ECHS1: variants seen among roughly 807,000 people sequenced by gnomAD.
ECHS1 encodes the protein enoyl-CoA hydratase, short chain 1.
A neutral mutation model predicts 33.5 loss-of-function variants in ECHS1; 19 were observed. That is an observed-to-expected ratio of 0.57 (90% CI 0.40 to 0.83). The LOEUF (loss-of-function observed/expected upper bound fraction) is 0.83, where lower values mean the gene tolerates loss of function less well. Among genes scored for constraint, ECHS1 ranks in the 40% least tolerant of loss-of-function variants. ECHS1 has a pLI of 0.00. For synonymous variants in ECHS1, 158 were observed against 146.6 expected (o/e 1.08, Z -0.56); for missense variants, 365 against 381.3 (o/e 0.96, Z 0.36).
In ECHS1 at chr10:133,367,009, G is replaced by A. The variant is rs759464804; in HGVS notation, c.515-16C>T. On this transcript the variant is annotated splice_polypyrimidine_tract_variant and intron_variant, in intron 4 of 7. Transcript: ENST00000368547. ...CCGCCCGCACCTGCAGGGAGGGGCT[G>A]GTCATGGCTGGCACTGTGATGAGTG... 3.1e-6 allele frequency: 5 copies of A among 1,596,182 alleles called. No individual in the cohort carries two copies. Among genetic ancestry groups the A allele is most frequent in the Non-Finnish European group, 4.3e-6 (5 of 1,170,104 alleles).
chr10:133,363,818 G>A (rs2133438119), intron 7 of ECHS1, among the ~76,000 whole-genome samples: 1 of 152,290 alleles, frequency 6.6e-6, no homozygotes, highest in East Asian at 1.9e-4. Flanking sequence ...ATGGTAATTA[G>A]AGGAATTACT....
chr10:133,364,594 A>C, intron 7 of ECHS1, 64 bp downstream of exon 7: 1 of 1,311,562 alleles, frequency 7.6e-7, no homozygotes, highest in East Asian at 2.3e-5. Flanking sequence ...ATTTAAAAGG[A>C]AATTCCCAGC....
At chr10:133,373,205 CAGG>C (rs1849140140) in intron 1 of ECHS1, 38 bp downstream of exon 1, 7 of 1,393,454 alleles carry the variant, frequency 5.0e-6, no homozygotes, top group African/African-American at 1.5e-5. Context: ...AGGTCGGAGT[CAGG>C]AGGAGATTCG....
At chr10:133,363,255 G>C (rs1848986995) in intron 7 of ECHS1, among the ~76,000 whole-genome samples, 1 of 152,242 alleles carries the variant, frequency 6.6e-6, no homozygotes, top group South Asian at 2.1e-4. Context: ...TGGGTGGCCT[G>C]TATCAGGGGC....
At chr10:133,370,481 T>A (rs984691027) in intron 2 of ECHS1, 79 bp downstream of exon 2, 1 of 1,388,644 alleles carries the variant, frequency 7.2e-7, no homozygotes, top group Non-Finnish European at 9.5e-7. Context: ...GAGGCGCAAA[T>A]CTGTCTGGAG....
Position 133,368,850 on chromosome 10 carries a change from T to C in ECHS1, c.514+73A>G, listed in dbSNP as rs539549648. ...AGGGCCTCTGGTCAGATATGAGCTG[T>C]GGGCCCTGAGACACAGGCAGATTTT... On this transcript the variant is annotated intron_variant, in intron 4 of 7. Transcript: ENST00000368547. 85 of 1,399,312 alleles carry C rather than the reference T, an allele frequency of 6.1e-5. No homozygotes were observed. In the Admixed American group the frequency reaches 7.6e-4, roughly 13 times the overall value. The allele number at this position is 1,399,312 out of a possible 1,614,324, so 86.7% of individuals were successfully genotyped here.
At chr10:133,369,277 T>C (rs1355380916) in intron 3 of ECHS1, among the ~76,000 whole-genome samples, 1 of 152,180 alleles carries the variant, frequency 6.6e-6, no homozygotes, top group Non-Finnish European at 1.5e-5. Flanking sequence ...TCAACTCTGC[T>C]GCTGTGGCCG....
Position 133,366,038 on chromosome 10 carries a change from G to A in ECHS1, c.677C>T (p.Ala226Val), listed in dbSNP as rs1456511523. The stretch of plus-strand genomic sequence containing the variant: ...TTTAGAATTGCTGGCAATTTTTTCT[G>A]CACACTGGATGGCTTCTTCCACCAG... The part of the protein sequence containing the change: ...ETLVEEAIQC[A>V]EKIASNSKIV... Residue 226 changes from alanine to valine, a missense_variant, in exon 6 of 8, where the codon GCA (alanine) becomes GTA (valine). Transcript: ENST00000368547. 3.7e-6 allele frequency: 6 copies of A among 1,613,892 alleles called. No individual in the cohort carries two copies. Among genetic ancestry groups the A allele is most frequent in the Non-Finnish European group, 5.1e-6 (6 of 1,180,000 alleles).
chr10:133,373,046 G>C (rs1405902904), intron 1 of ECHS1, among the ~76,000 whole-genome samples, 200 bp downstream of exon 1: 1 of 82,370 alleles, frequency 1.2e-5, no homozygotes, highest in Non-Finnish European at 2.5e-5. Context: ...GGGTCAGGCG[G>C]GGGGGTGCGG....
At chr10:133,373,162 G>A (rs983733434) in intron 1 of ECHS1, 84 bp downstream of exon 1, 1 of 1,107,830 alleles carries the variant, frequency 9.0e-7, no homozygotes, top group South Asian at 1.9e-5. Context: ...CAGGTGGGAG[G>A]GGGGTGCGGT....
rs1303193988 is a variant in ECHS1 at position 133,366,896 on chromosome 10, C to T, written c.612G>A (p.Lys204=). 6 of 1,611,268 alleles carry T rather than the reference C, an allele frequency of 3.7e-6. No homozygotes were observed. Among genetic ancestry groups the T allele is most frequent in the South Asian group, 1.1e-5 (1 of 91,068 alleles). The change falls in exon 5 of 8, where the codon AAG becomes AAA. Residue 204 remains lysine (K), a synonymous_variant. Coordinates refer to ENST00000368547, the MANE Select transcript of ECHS1 (RefSeq NM_004092.4). The part of the protein sequence containing the change: ...TGDRISAQDA[K]QAGLVSKICP... ...GGCAGCCCCAACCCATACCTGCTTG[C>T]TTGGCGTCCTGGGCTGAGATCCGGT... is the stretch of plus-strand genomic sequence containing the variant.
Position 133,362,748 on chromosome 10 carries a change from G to A in ECHS1, c.*120C>T. 8.6e-7 allele frequency: 1 copy of A among 1,163,074 alleles called. No individual in the cohort carries two copies. The highest frequency in any genetic ancestry group is 1.2e-5 in the South Asian group (1 of 80,122). The allele number at this position is 1,163,074 out of a possible 1,614,324, so 72.0% of individuals were successfully genotyped here. ...GTCGGGCCACGACCACGCAGCAATT[G>A]GAGAGGAACTGCACACCACGGACAC... On this transcript the variant is annotated 3_prime_UTR_variant, in exon 8 of 8. Transcript: ENST00000368547.
At chr10:133,366,325 C>T (rs1164441950) in intron 5 of ECHS1, among the ~76,000 whole-genome samples, 2 of 152,232 alleles carry the variant, frequency 1.3e-5, no homozygotes, top group Non-Finnish European at 2.9e-5. Flanking sequence ...GGCCACAGCT[C>T]CGACGGCAGA....
intron 3 of ECHS1, 94 bp from the exon 4 acceptor site, chr10:133,369,116 A>T: frequency 8.4e-7 from 1 of 1,188,248 alleles, no homozygotes; most frequent in Non-Finnish European, 1.2e-6. Context: ...TAAAAGAAAC[A>T]GTGTTGGGGG....
intron 5 of ECHS1, 70 bp downstream of exon 5, chr10:133,366,819 C>T (rs140814963): frequency 1.0e-5 from 13 of 1,244,706 alleles, no homozygotes; most frequent in South Asian, 9.7e-5. Flanking sequence ...ACCTGGATGC[C>T]GCCCTGGGTT....
At chr10:133,370,461 T>C (rs965863031) in intron 2 of ECHS1, 99 bp downstream of exon 2, 2 of 1,287,346 alleles carry the variant, frequency 1.6e-6, no homozygotes, top group Middle Eastern at 2.7e-4. Context: ...CGCATGCCTC[T>C]GCCATCACAG....
At chr10:133,366,793 C>T (rs962805274) in intron 5 of ECHS1, 96 bp downstream of exon 5, 10 of 910,388 alleles carry the variant, frequency 1.1e-5, no homozygotes, top group Non-Finnish European at 1.6e-5. Context: ...TTCTGTGGGG[C>T]TCCCCCGAGG....
intron 4 of ECHS1, among the ~76,000 whole-genome samples, chr10:133,368,212 C>G (rs115381619): frequency 0.052 from 7,958 of 152,302 alleles, 254 homozygotes; most frequent in African/African-American, 0.077. Context: ...CCTCCCCAGC[C>G]TCTGTGGTCA....
chr10:133,368,965 C>T lies in ECHS1; in HGVS notation c.472G>A (p.Ala158Thr), dbSNP rs960738876. ...MCDIIYAGEK[A>T]QFAQPEILIG... The stretch of plus-strand genomic sequence containing the variant: ...AAGATCTCCGGCTGTGCAAACTGGG[C>T]CTTCTCACCGGCATAGATGATATCA... Residue 158 changes from alanine (A) to threonine (T), a missense_variant, in exon 4 of 8, where the codon GCC (alanine) becomes ACC (threonine). Coordinates refer to ENST00000368547, the MANE Select transcript of ECHS1 (RefSeq NM_004092.4). The T allele has an allele frequency of 1.9e-6, 3 of 1,613,760 alleles. No individual in the cohort carries two copies. The highest frequency in any genetic ancestry group is 2.7e-5 in the African/African-American group (2 of 75,030).
Sources: allele counts gnomAD v4.1 joint callset (sites outside exome capture counted in the v4.1 genomes callset), GRCh38; gene constraint gnomAD v4.1.1; transcripts MANE v1.5; gene names NCBI Gene and HGNC (gene_info 2026-07-23, HGNC 2026-07-21).